APOB: variants seen among roughly 807,000 people sequenced by gnomAD.
The protein encoded by APOB is apolipoprotein B.
Under a neutral mutation model 314.1 loss-of-function variants are expected in APOB, and 153 were observed. That is an observed-to-expected ratio of 0.49 (90% CI 0.43 to 0.56). The LOEUF (loss-of-function observed/expected upper bound fraction) is 0.56. Among genes scored for constraint, APOB ranks in the 20% least tolerant of loss-of-function variants. The probability of loss-of-function intolerance (pLI) is 0.00; values close to 1 mark genes in which losing one functional copy is unlikely to be tolerated. For synonymous variants in APOB, 2,087 were observed against 2,036.4 expected, an observed-to-expected ratio of 1.02 and a Z score of -0.67; for missense variants, 5,430 against 5,350.7, an observed-to-expected ratio of 1.01 and a Z score of -0.46.
At position 21,011,888 on chromosome 2, in the gene APOB, C is replaced by T. The variant is rs755933286; in HGVS notation, c.4980G>A (p.Leu1660=). ...DGISTSATTN[L]KCSLLVLENE... is the part of the protein sequence containing the mutation. ...TCTCCAGCACCAGGAGACTACACTT[C>T]AAGTTGGTCGTTGCACTGGTAGATA... Residue 1660 remains leucine (L), a synonymous_variant, in exon 26 of 29, where the codon TTG becomes TTA. Transcript: ENST00000233242. 5 of 1,613,992 alleles carry T rather than the reference C, an allele frequency of 3.1e-6. No individual in the cohort carries two copies. Among genetic ancestry groups the T allele is most frequent in the Non-Finnish European group, 4.2e-6 (5 of 1,180,016 alleles).
Position 21,012,386 on chromosome 2 carries a change from C to G in APOB, c.4482G>C (p.Ser1494=). The change falls in exon 26 of 29, where the codon TCG becomes TCC. Residue 1494 remains serine, a synonymous_variant. Transcript: ENST00000233242. Reference sequence around the variant, plus strand: ...GGCCATATGTGCCTTTAGCATAGAACGAAGAGACTCTGAACTGCCCATCAA... The same window carrying G: ...GGCCATATGTGCCTTTAGCATAGAAGGAAGAGACTCTGAACTGCCCATCAA... ...VKIDGQFRVS[S]FYAKGTYGLS... is the part of the protein sequence containing the mutation. The G allele has an allele frequency of 6.2e-7, 1 of 1,614,160 alleles. No homozygotes were observed. Among genetic ancestry groups the G allele is most frequent in the African/African-American group, 1.3e-5 (1 of 75,032 alleles).
chr2:21,016,543 G>C lies in APOB; in HGVS notation c.3228C>G (p.Ile1076Met). The change falls in exon 21 of 29, where the codon ATC becomes ATG. Residue 1076 changes from isoleucine to methionine, a missense_variant. By Grantham distance (10) the Ile-to-Met change is conservative. Transcript: ENST00000233242. ...CAGTAGATTCATCATTAACTCTGAG[G>C]ATTGTTCCGAGGTCAACATCAAAAT... is the stretch of plus-strand genomic sequence containing the variant. ...IPDFDVDLGT[I>M]LRVNDESTEG... is the part of the protein sequence containing the mutation. 1 of 1,605,126 alleles carries C rather than the reference G, an allele frequency of 6.2e-7. No individual in the cohort carries two copies. Among genetic ancestry groups the C allele is most frequent in the Non-Finnish European group, 8.5e-7 (1 of 1,171,776 alleles).
At chr2:21,040,326 T>C (rs1410816041) in intron 4 of APOB, among the ~76,000 whole-genome samples, 1 of 152,242 alleles carries the variant, frequency 6.6e-6, no homozygotes, top group Non-Finnish European at 1.5e-5. Flanking sequence ...TTTCTGATGC[T>C]ACCAAGTTAA....
chr2:21,034,788 C>T (rs748480151), intron 8 of APOB, 28 bp downstream of exon 8: 39 of 1,352,192 alleles, frequency 2.9e-5, no homozygotes, highest in Non-Finnish European at 4.1e-5. Flanking sequence ...GTAGATTTTC[C>T]AGCAACTATG....
At chr2:21,019,398 G>A (rs1179100635) in intron 19 of APOB, among the ~76,000 whole-genome samples, 2 of 152,056 alleles carry the variant, frequency 1.3e-5, no homozygotes, top group Non-Finnish European at 2.9e-5. Context: ...TGAAGACAGG[G>A]AGCCACCTAA....
rs1469958888 is a variant in APOB at position 21,005,671 on chromosome 2, G to C, written c.11197C>G (p.Pro3733Ala). 1 of 1,613,944 alleles carries C rather than the reference G, an allele frequency of 6.2e-7. No individual in the cohort carries two copies. Among genetic ancestry groups the C allele is most frequent in the Admixed American group, 1.7e-5 (1 of 59,998 alleles). ...TTTAGATCATTTAGTTTCAGCCCAG[G>C]AATAATGAATTTATCAGCCAAAACT... ...VKVLADKFII[P>A]GLKLNDLNSV... is the part of the protein sequence containing the mutation. Residue 3733 changes from proline (P) to alanine (A), a missense_variant, in exon 26 of 29, where the codon CCT (proline) becomes GCT (alanine). Physicochemically the swap from Pro to Ala is conservative, Grantham distance 27 (BLOSUM62 -1). This residue lies in a region of APOB where 3,281 missense variants were observed against 3,171.0 expected (regional missense o/e 1.03). Transcript: ENST00000233242.
intron 21 of APOB, 112 bp downstream of exon 21, chr2:21,016,327 G>T: frequency 1.5e-6 from 1 of 684,742 alleles, no homozygotes. Flanking sequence ...CTGCCACTCT[G>T]ATTGTAGACT....
rs150068105 is a variant in APOB at position 21,010,758 on chromosome 2, A to G, written c.6110T>C (p.Ile2037Thr). The G allele has an allele frequency of 8.1e-6, 13 of 1,614,040 alleles. No homozygotes were observed. Among genetic ancestry groups the G allele is most frequent in the African/African-American group, 2.7e-5 (2 of 74,932 alleles). The change falls in exon 26 of 29, where the codon ATT (isoleucine) becomes ACT (threonine). Residue 2037 changes from isoleucine (I) to threonine (T), a missense_variant. Physicochemically the swap from Ile to Thr is moderately conservative, Grantham distance 89. Transcript: ENST00000233242. ...PLLLSEPINI[I>T]DALEMRDAVE... ...GGCATCTCTCATCTCTAAAGCATCA[A>G]TGATATTGATGGGCTCACTGAGTAA...
rs376731471 is a variant in APOB at position 21,011,349 on chromosome 2, T to C, written c.5519A>G (p.Tyr1840Cys). The C allele has an allele frequency of 5.0e-6, 8 of 1,614,046 alleles. No individual in the cohort carries two copies. In the African/African-American group the frequency reaches 5.3e-5, roughly 11 times the overall value. Residue 1840 changes from tyrosine (Y) to cysteine (C), a missense_variant, in exon 26 of 29, where the codon TAT (tyrosine) becomes TGT (cysteine). Physicochemically the swap from Tyr to Cys is radical, Grantham distance 194. Coordinates refer to ENST00000233242, the MANE Select transcript of APOB (RefSeq NM_000384.3). ...AYQNNEIKHI[Y>C]AISSAALSAS... ...TGATAAGGCAGCAGAAGAGATGGCATAGATGTGTTTTATTTCATTATTTTG... is the reference window on the plus strand; with the variant it reads ...TGATAAGGCAGCAGAAGAGATGGCACAGATGTGTTTTATTTCATTATTTTG...
chr2:21,043,616 C>A, intron 1 of APOB, 65 bp from the exon 2 acceptor site: 1 of 1,556,950 alleles, frequency 6.4e-7, no homozygotes, highest in Non-Finnish European at 8.7e-7. Flanking sequence ...TAGGGCCCGA[C>A]AGGGGGACCA....
chr2:21,020,703 T>C (rs1267488426), intron 18 of APOB, among the ~76,000 whole-genome samples: 1 of 152,244 alleles, frequency 6.6e-6, no homozygotes, highest in Non-Finnish European at 1.5e-5. Context: ...TTTCTAAGGA[T>C]GCTTTCTTTG....
intron 2 of APOB, 63 bp downstream of exon 2, chr2:21,043,450 C>G (rs1234643405): frequency 6.4e-7 from 1 of 1,553,950 alleles, no homozygotes; most frequent in Admixed American, 1.9e-5. Flanking sequence ...CCCTCAGGGA[C>G]CCGGGTGTAG....
chr2:21,011,264 G>C lies in APOB; in HGVS notation c.5604C>G (p.Leu1868=). ...AAGCCAGCCCAGCGATGTCTGTGTT[G>C]AGCCGATGGCTAAACTCCACACCCT... ...KVQGVEFSHR[L]NTDIAGLASA... is the part of the protein sequence containing the mutation. Residue 1868 remains leucine, a synonymous_variant, in exon 26 of 29, where the codon CTC becomes CTG. Coordinates refer to ENST00000233242, the MANE Select transcript of APOB (RefSeq NM_000384.3). 1.2e-6 allele frequency: 2 copies of C among 1,614,200 alleles called. No individual in the cohort carries two copies. The highest frequency in any genetic ancestry group is 1.7e-6 in the Non-Finnish European group (2 of 1,180,016).
Position 21,006,496 on chromosome 2 carries a change from T to G in APOB, c.10372A>C (p.Met3458Leu). ...GAATTGAAATCATACTTAAATTCCA[T>G]GGAGGAAGAGACAGTAGGTTTTGAC... ...TKSKPTVSSS[M>L]EFKYDFNSSM... is the part of the protein sequence containing the mutation. The change falls in exon 26 of 29, where the codon ATG becomes CTG. Residue 3458 changes from methionine (M) to leucine (L), a missense_variant. Coordinates refer to ENST00000233242, the MANE Select transcript of APOB (RefSeq NM_000384.3). 6.2e-7 allele frequency: 1 copy of G among 1,614,152 alleles called. No individual in the cohort carries two copies. Among genetic ancestry groups the G allele is most frequent in the Non-Finnish European group, 8.5e-7 (1 of 1,179,976 alleles).
In APOB at chr2:21,023,695, G is replaced by A; in HGVS notation, c.2437-3C>T. 1 of 1,604,604 alleles carries A rather than the reference G, an allele frequency of 6.2e-7. No individual in the cohort carries two copies. Among genetic ancestry groups the A allele is most frequent in the South Asian group, 1.1e-5 (1 of 90,096 alleles). ...CCCTTCCTGATGACCTCTCCAATCT[G>A]TAGACCCAACAAGGGAGAGCAAATA... On this transcript the variant is annotated splice_polypyrimidine_tract_variant and splice_region_variant and intron_variant, in intron 16 of 28. Transcript: ENST00000233242.
In APOB at chr2:21,018,921, T is replaced by A. The variant is rs1290367492; in HGVS notation, c.3121+71A>T. 7 of 1,609,522 alleles carry A rather than the reference T, an allele frequency of 4.3e-6. No homozygotes were observed. The East Asian group carries it at 1.6e-4, about 36-fold the overall frequency. On this transcript the variant is annotated intron_variant, in intron 20 of 28. Transcript: ENST00000233242. ...TATTTGTTAAATAGGTTAAATTACATGTCTTCTCCTCATGAATTCTGAACC... is the reference window on the plus strand; with the variant it reads ...TATTTGTTAAATAGGTTAAATTACAAGTCTTCTCCTCATGAATTCTGAACC...
At position 21,009,962 on chromosome 2, in the gene APOB, TC is replaced by T; in HGVS notation, c.6905del (p.Gly2302GlufsTer9). ...IDVRVLLDQL[G>X]TTISFERIND... is the part of the protein sequence containing the mutation. ...TTATTCTTTCAAATGAAATTGTAGT[TC>T]CCAATTGATCTAAAAGCACTCTAAC... On this transcript the variant is annotated frameshift_variant, in exon 26 of 29. Coordinates refer to ENST00000233242, the MANE Select transcript of APOB (RefSeq NM_000384.3). LOFTEE classifies it high-confidence loss of function. 6.2e-7 allele frequency: 1 copy of T among 1,613,740 alleles called. No individual in the cohort carries two copies. The highest frequency in any genetic ancestry group is 8.5e-7 in the Non-Finnish European group (1 of 1,179,800).
intron 16 of APOB, 69 bp downstream of exon 16, chr2:21,024,864 G>T (rs1305358909): frequency 1.3e-6 from 2 of 1,515,428 alleles, no homozygotes; most frequent in Non-Finnish European, 1.8e-6. Context: ...GATCGTAAGG[G>T]AGTCTGGGCG....
At chr2:21,020,917 G>T (rs192653383) in intron 18 of APOB, among the ~76,000 whole-genome samples, 70 of 152,162 alleles carry the variant, frequency 4.6e-4, no homozygotes, top group Middle Eastern at 6.8e-3. Flanking sequence ...CTCATTGCTG[G>T]TTATTCCCCT....
Sources: gnomAD v4.1 joint callset for allele counts (sites outside exome capture counted in the v4.1 genomes callset) on GRCh38, gnomAD v4.1.1 for gene constraint, gnomAD v4.1.1 regional missense constraint, MANE v1.5 for transcripts, NCBI Gene and HGNC (gene_info 2026-07-23, HGNC 2026-07-21) for gene names.